The following KIAA1549 variants were observed in gnomAD, a reference collection of about 807,000 sequenced individuals.
KIAA1549 encodes the protein UPF0606 protein KIAA1549.
Under a neutral mutation model 156.4 loss-of-function variants are expected in KIAA1549, and 70 were observed. The ratio of observed to expected loss-of-function variants is 0.45; its 90% CI spans 0.37 to 0.55. The LOEUF is 0.55. Among genes scored for constraint, KIAA1549 ranks in the 20% least tolerant of loss-of-function variants. The pLI, the probability that KIAA1549 is intolerant of heterozygous loss-of-function variation, is 0.00. For missense variants in KIAA1549, 2,428 were observed against 2,540.9 expected (o/e 0.96, Z 0.96); for synonymous variants, 1,103 against 1,066.4 (o/e 1.03, Z -0.67).
In KIAA1549 at chr7:138,903,792, AGTGTGTGTGTGTGTGTGTGTGTGT is replaced by A. The variant is rs55745123; in HGVS notation, c.3521-80_3521-57del. ...CAAAACAAGTCAGCAGTAAAAAAAC[AGTGTGTGTGTGTGTGTGTGTGTGT>A]GTGTGTGTGTGTGTGTGTGTGTGTG... is the stretch of plus-strand genomic sequence containing the variant. On this transcript the variant is annotated intron_variant, in intron 7 of 19. Coordinates refer to ENST00000422774, the MANE Select transcript of KIAA1549 (RefSeq NM_001164665.2). 2.8e-3 allele frequency: 3,395 copies of A among 1,197,152 alleles called. 66 individuals carry two copies. Among genetic ancestry groups the A allele is most frequent in the African/African-American group, 0.023 (1,493 of 63,694 alleles). The allele number at this position is 1,197,152 out of a possible 1,614,324, so 74.2% of individuals were successfully genotyped here.
chr7:138,886,506 G>A (rs1317493920), intron 10 of KIAA1549, among the ~76,000 whole-genome samples: 1 of 152,062 alleles, frequency 6.6e-6, no homozygotes, highest in Non-Finnish European at 1.5e-5. Flanking sequence ...GGAACTGCAG[G>A]GCTCAAGCAA....
At chr7:138,958,729 G>C (rs939924772) in intron 1 of KIAA1549, among the ~76,000 whole-genome samples, 5 of 151,980 alleles carry the variant, frequency 3.3e-5, no homozygotes, top group Non-Finnish European at 7.4e-5. Flanking sequence ...TAGCAACCCC[G>C]AACAGTAGAC....
At chr7:138,957,610 T>C (rs1398155449) in intron 1 of KIAA1549, among the ~76,000 whole-genome samples, 5 of 152,056 alleles carry the variant, frequency 3.3e-5, no homozygotes, top group African/African-American at 4.8e-5. Flanking sequence ...CCAGAGTAGA[T>C]GGGACTACAG....
chr7:138,874,678 G>A (rs2130392040), intron 12 of KIAA1549, among the ~76,000 whole-genome samples: 1 of 152,222 alleles, frequency 6.6e-6, no homozygotes, highest in East Asian at 1.9e-4. Context: ...GAAGAGGAGG[G>A]ACATAGACAA....
chr7:138,871,134 G>C, intron 13 of KIAA1549, 23 bp downstream of exon 13: 1 of 1,604,052 alleles, frequency 6.2e-7, no homozygotes, highest in South Asian at 1.1e-5. Context: ...TTAAGTAACA[G>C]ACTTTTAAAT....
intron 9 of KIAA1549, among the ~76,000 whole-genome samples, chr7:138,897,755 G>A (rs1811721944): frequency 6.6e-6 from 1 of 151,728 alleles, no homozygotes; most frequent in South Asian, 2.1e-4. Flanking sequence ...ATCGCTGGGT[G>A]TAGTGGTGGT....
chr7:138,932,085 C>T (rs990076054), intron 1 of KIAA1549, among the ~76,000 whole-genome samples: 16 of 152,042 alleles, frequency 1.1e-4, no homozygotes, highest in African/African-American at 2.2e-4. Flanking sequence ...GGGTCTGCAA[C>T]GAGACAAGGT....
intron 8 of KIAA1549, among the ~76,000 whole-genome samples, chr7:138,902,420 T>C (rs1438781104): frequency 6.6e-6 from 1 of 152,188 alleles, no homozygotes; most frequent in African/African-American, 2.4e-5. Context: ...CCTGGTTTCC[T>C]GTTTCTGAAA....
At chr7:138,898,482 G>C (rs1469869741) in intron 9 of KIAA1549, among the ~76,000 whole-genome samples, 1 of 152,110 alleles carries the variant, frequency 6.6e-6, no homozygotes, top group African/African-American at 2.4e-5. Flanking sequence ...GGACTGAAAA[G>C]GGGAAGGATC....
chr7:138,867,564 AAAT>A (rs1810784985), intron 15 of KIAA1549, among the ~76,000 whole-genome samples: 13 of 129,682 alleles, frequency 1.0e-4, no homozygotes, highest in Admixed American at 3.0e-4. Context: ...CAAAAAAAAA[AAAT>A]AATAAAAATA....
chr7:138,917,463 G>T lies in KIAA1549; in HGVS notation c.2163C>A (p.Ser721Arg). The T allele has an allele frequency of 6.2e-7, 1 of 1,613,904 alleles. No homozygotes were observed. Among genetic ancestry groups the T allele is most frequent in the Middle Eastern group, 1.6e-4 (1 of 6,062 alleles). Residue 721 changes from serine to arginine, a missense_variant, in exon 2 of 20, where the codon AGC becomes AGA. Around this residue, in one of 5 missense-constraint regions of KIAA1549, gnomAD observed 762 missense variants for 901.6 expected, o/e 0.85. Transcript: ENST00000422774. ...CAAACTCGAGAGAATCAGAAGGGAA[G>T]CTTGACCATGGTGACACCTCAGAAC... The part of the protein sequence containing the change: ...PSRSEVSPWS[S>R]FPSDSLEFVE...
intron 10 of KIAA1549, among the ~76,000 whole-genome samples, chr7:138,885,193 C>T (rs1398486833): frequency 6.6e-6 from 1 of 152,098 alleles, no homozygotes; most frequent in African/African-American, 2.4e-5. Flanking sequence ...GATTGTAATC[C>T]ACCATTGTAC....
intron 16 of KIAA1549, among the ~76,000 whole-genome samples, chr7:138,858,114 C>G (rs1045428865): frequency 1.3e-5 from 2 of 152,016 alleles, no homozygotes; most frequent in Admixed American, 6.6e-5. Flanking sequence ...CTTTTCATTT[C>G]CTTGTCTGCC....
At chr7:138,927,168 T>C (rs1812742514) in intron 1 of KIAA1549, among the ~76,000 whole-genome samples, 2 of 152,220 alleles carry the variant, frequency 1.3e-5, no homozygotes, top group Admixed American at 6.5e-5. Flanking sequence ...CACTTCAACA[T>C]GAATTCCACC....
intron 8 of KIAA1549, among the ~76,000 whole-genome samples, chr7:138,901,700 A>G (rs754422905): frequency 6.6e-6 from 1 of 152,154 alleles, no homozygotes; most frequent in Non-Finnish European, 1.5e-5. Context: ...ATAAAGATTT[A>G]CTATAATTTT....
At position 138,909,100 on chromosome 7, in the gene KIAA1549, C is replaced by T. The variant is rs1353794929; in HGVS notation, c.3167G>A (p.Ser1056Asn). The stretch of plus-strand genomic sequence containing the variant: ...GAAGTTGCAGAAGCCAGTATCCACA[C>T]TCGGAGGCACAAACTGAAGTACTGA... ...VQTVLQFVPP[S>N]VDTGFCNFTQ... Residue 1056 changes from serine (S) to asparagine (N), a missense_variant, in exon 5 of 20, where the codon AGT becomes AAT. This residue lies in a region of KIAA1549 where 762 missense variants were observed against 901.6 expected (regional missense o/e 0.85). Coordinates refer to ENST00000422774, the MANE Select transcript of KIAA1549 (RefSeq NM_001164665.2). 5 of 1,613,588 alleles carry T rather than the reference C, an allele frequency of 3.1e-6. No individual in the cohort carries two copies. Among genetic ancestry groups the T allele is most frequent in the South Asian group, 1.1e-5 (1 of 91,034 alleles).
intron 12 of KIAA1549, among the ~76,000 whole-genome samples, chr7:138,873,054 C>T (rs1385801083): frequency 6.6e-6 from 1 of 152,210 alleles, no homozygotes; most frequent in African/African-American, 2.4e-5. Flanking sequence ...ACATTTGAAA[C>T]TTCAAAGCAT....
intron 12 of KIAA1549, among the ~76,000 whole-genome samples, chr7:138,874,197 G>C (rs1000591911): frequency 4.0e-5 from 6 of 151,416 alleles, no homozygotes; most frequent in African/African-American, 1.5e-4. Flanking sequence ...TGGACACACA[G>C]AGATTAATGC....
intron 1 of KIAA1549, among the ~76,000 whole-genome samples, chr7:138,935,856 G>C (rs565743093): frequency 1.9e-4 from 29 of 152,270 alleles, no homozygotes; most frequent in Admixed American, 6.5e-4. Flanking sequence ...GGGTCACGCC[G>C]GCTGGAAGCA....
Sources: allele counts gnomAD v4.1 joint callset (sites outside exome capture counted in the v4.1 genomes callset), GRCh38; gene constraint gnomAD v4.1.1; regional missense constraint gnomAD v4.1.1; transcripts MANE v1.5; gene names NCBI Gene and HGNC (gene_info 2026-07-23, HGNC 2026-07-21).